LRRTM4: variants seen among roughly 807,000 people sequenced by gnomAD.
LRRTM4 encodes the protein leucine-rich repeat transmembrane neuronal protein 4.
Under a neutral mutation model 47.6 loss-of-function variants are expected in LRRTM4, and 25 were observed. The observed-to-expected ratio is 0.53, with a 90% CI of 0.38 to 0.73. The LOEUF is 0.73. Ranked by LOEUF, LRRTM4 falls within the 30% of genes least tolerant of loss-of-function variation. The probability of loss-of-function intolerance (pLI) is 0.00; values close to 1 mark genes in which losing one functional copy is unlikely to be tolerated. For synonymous variants in LRRTM4, 311 were observed against 269.5 expected (o/e 1.15, Z -1.51); for missense variants, 638 against 713.4 (o/e 0.89, Z 1.20).
intron 3 of LRRTM4, among the ~76,000 whole-genome samples, chr2:77,437,287 T>C (rs534327997): frequency 6.6e-6 from 1 of 152,164 alleles, no homozygotes; most frequent in African/African-American, 2.4e-5. Context: ...CAGGCAAGCA[T>C]GAGAAATTTT....
Position 76,862,514 on chromosome 2 carries a change from C to T in LRRTM4, c.1552-113598G>A, listed in dbSNP as rs116157354. On this transcript the variant is annotated intron_variant, in intron 3 of 3. Transcript: ENST00000409884. ...AATGGTATTGTCTTGAAAAGATCACCCTGAAGGTCATTGCTCTGGACTAGA... is the reference window on the plus strand; with the variant it reads ...AATGGTATTGTCTTGAAAAGATCACTCTGAAGGTCATTGCTCTGGACTAGA... 3.8e-3 allele frequency among the ~76,000 whole-genome samples: 576 copies of T among 152,174 alleles called. 3 individuals are homozygous for T. Among genetic ancestry groups the T allele is most frequent in the African/African-American group, 0.014 (562 of 41,516 alleles).
intron 3 of LRRTM4, among the ~76,000 whole-genome samples, chr2:77,183,004 C>T (rs1673391924): frequency 6.6e-6 from 1 of 152,106 alleles, no homozygotes; most frequent in Admixed American, 6.6e-5. Context: ...TAGGCAATAC[C>T]ATTCAGGACA....
At chr2:77,298,487 T>C (rs993587781) in intron 3 of LRRTM4, among the ~76,000 whole-genome samples, 1 of 152,190 alleles carries the variant, frequency 6.6e-6, no homozygotes, top group Non-Finnish European at 1.5e-5. Flanking sequence ...TCCGCCCGCC[T>C]CGGCCTCCCA....
At chr2:77,298,293 G>C in intron 3 of LRRTM4, among the ~76,000 whole-genome samples, 1 of 152,220 alleles carries the variant, frequency 6.6e-6, no homozygotes. Context: ...CTGGAGTGCA[G>C]TGGCACGATC....
chr2:77,324,997 G>A (rs1409634055), intron 3 of LRRTM4, among the ~76,000 whole-genome samples: 1 of 152,096 alleles, frequency 6.6e-6, no homozygotes, highest in African/African-American at 2.4e-5. Context: ...GTTAGTTGAT[G>A]GACTAGATGT....
chr2:77,017,052 A>C (rs938494468), intron 3 of LRRTM4, among the ~76,000 whole-genome samples: 4 of 152,172 alleles, frequency 2.6e-5, no homozygotes, highest in Non-Finnish European at 5.9e-5. Context: ...TTCATTTTAA[A>C]GGACTGAGGG....
At chr2:76,862,973 C>T (rs989320086) in intron 3 of LRRTM4, among the ~76,000 whole-genome samples, 8 of 152,112 alleles carry the variant, frequency 5.3e-5, no homozygotes, top group Admixed American at 3.3e-4. Context: ...TTCTACCCTC[C>T]GATTATCTAC....
intron 3 of LRRTM4, among the ~76,000 whole-genome samples, chr2:77,376,458 C>A (rs552226679): frequency 7.3e-5 from 11 of 150,436 alleles, no homozygotes; most frequent in African/African-American, 2.7e-4. Context: ...ATCCCCAATA[C>A]CATCCTAGAT....
chr2:76,772,602 T>G (rs1302205529), intron 3 of LRRTM4, among the ~76,000 whole-genome samples: 1 of 152,126 alleles, frequency 6.6e-6, no homozygotes, highest in Non-Finnish European at 1.5e-5. Flanking sequence ...GCCCCTGACC[T>G]CCATTTAAAG....
intron 3 of LRRTM4, among the ~76,000 whole-genome samples, chr2:76,841,412 A>T (rs896194468): frequency 6.6e-6 from 1 of 151,944 alleles, no homozygotes; most frequent in African/African-American, 2.4e-5. Context: ...GTACCCTAAA[A>T]CTTAAAGTAT....
chr2:76,953,619 A>G (rs1675569377), intron 3 of LRRTM4, among the ~76,000 whole-genome samples: 1 of 151,916 alleles, frequency 6.6e-6, no homozygotes, highest in African/African-American at 2.4e-5. Flanking sequence ...TCTGGGGTCC[A>G]CAGAGATCAA....
intron 3 of LRRTM4, among the ~76,000 whole-genome samples, chr2:76,956,583 A>T (rs1675682374): frequency 6.6e-6 from 1 of 151,348 alleles, no homozygotes; most frequent in African/African-American, 2.4e-5. Flanking sequence ...AAACCTAAAG[A>T]TAGCAGAAAA....
chr2:77,034,332 A>C (rs1678764225), intron 3 of LRRTM4, among the ~76,000 whole-genome samples: 1 of 151,954 alleles, frequency 6.6e-6, no homozygotes, highest in South Asian at 2.1e-4. Context: ...TTCAATCACA[A>C]CTTCTTCCTT....
intron 3 of LRRTM4, among the ~76,000 whole-genome samples, chr2:76,879,233 T>C (rs1929446): frequency 0.066 from 10,051 of 152,230 alleles, 756 homozygotes; most frequent in African/African-American, 0.18. Context: ...AAAGATGGCA[T>C]CTAGGACTTT....
At chr2:77,308,630 T>C (rs1677357467) in intron 3 of LRRTM4, among the ~76,000 whole-genome samples, 1 of 152,116 alleles carries the variant, frequency 6.6e-6, no homozygotes, top group Non-Finnish European at 1.5e-5. Context: ...AAGAAATAAA[T>C]ACCATTTTAT....
chr2:76,875,737 T>A lies in LRRTM4; in HGVS notation c.1552-126821A>T, dbSNP rs140592094. ...GAGTCATTCTTAATATAGAAAAGTTTAAGGTGTGTATCTATGTTGAGATTG... is the reference window on the plus strand; with the variant it reads ...GAGTCATTCTTAATATAGAAAAGTTAAAGGTGTGTATCTATGTTGAGATTG... On this transcript the variant is annotated intron_variant, in intron 3 of 3. Coordinates refer to ENST00000409884, the MANE Select transcript of LRRTM4 (RefSeq NM_001134745.3). 4.7e-3 allele frequency among the ~76,000 whole-genome samples: 713 copies of A among 152,274 alleles called. 2 individuals carry two copies. The highest frequency in any genetic ancestry group is 0.016 in the African/African-American group (681 of 41,572).
intron 3 of LRRTM4, among the ~76,000 whole-genome samples, chr2:77,490,569 TGA>T (rs1678107702): frequency 1.3e-5 from 2 of 151,994 alleles, no homozygotes; most frequent in Non-Finnish European, 2.9e-5. Context: ...TTTTTCGTTA[TGA>T]GATACAAATT....
In LRRTM4 at chr2:76,812,231, A is replaced by C. The variant is rs376309128; in HGVS notation, c.1552-63315T>G. Among the ~76,000 whole-genome samples the C allele has an allele frequency of 4.6e-5, 7 of 152,280 alleles. No homozygotes were observed. In the East Asian group the frequency reaches 9.7e-4, roughly 21 times the overall value. ...ACCCCATATATCTAATCCAATTTTC[A>C]GATCTAGGATCCATTCTAGTCACTT... On this transcript the variant is annotated intron_variant, in intron 3 of 3. Transcript: ENST00000409884.
At chr2:76,790,921 G>C (rs1674938421) in intron 3 of LRRTM4, among the ~76,000 whole-genome samples, 1 of 152,116 alleles carries the variant, frequency 6.6e-6, no homozygotes, top group South Asian at 2.1e-4. Context: ...TGAATACTAA[G>C]CTGTTATAGT....
Sources: allele counts gnomAD v4.1 joint callset (sites outside exome capture counted in the v4.1 genomes callset), GRCh38; gene constraint gnomAD v4.1.1; transcripts MANE v1.5; gene names NCBI Gene and HGNC (gene_info 2026-07-23, HGNC 2026-07-21).